Variants in GBE1 observed in about 807,000 individuals in gnomAD.
GBE1 encodes 1,4-alpha-glucan-branching enzyme.
A neutral mutation model predicts 88.8 loss-of-function variants in GBE1; 70 were observed. The observed-to-expected ratio is 0.79, with a 90% CI of 0.65 to 0.96. The LOEUF is 0.96. Ranked by LOEUF, GBE1 falls within the 40% of genes least tolerant of loss-of-function variation. The probability of loss-of-function intolerance (pLI) is 0.00; values close to 1 mark genes in which losing one functional copy is unlikely to be tolerated. For synonymous variants in GBE1, 284 were observed against 300.1 expected, an observed-to-expected ratio of 0.95 and a Z score of 0.56; for missense variants, 872 against 871.0, an observed-to-expected ratio of 1.00 and a Z score of -0.01.
At chr3:81,523,691 T>A (rs546183541) in intron 14 of GBE1, among the ~76,000 whole-genome samples, 1 of 151,612 alleles carries the variant, frequency 6.6e-6, no homozygotes, top group Non-Finnish European at 1.5e-5. Context: ...TACTCTCTTA[T>A]CTCCATGAGA....
intron 7 of GBE1, among the ~76,000 whole-genome samples, chr3:81,596,332 A>C (rs913949297): frequency 9.2e-5 from 14 of 151,946 alleles, no homozygotes; most frequent in Admixed American, 2.6e-4. Flanking sequence ...ACATGTGCAC[A>C]ACGTGCAAGT....
At chr3:81,638,379 A>G (rs1036255260) in intron 7 of GBE1, among the ~76,000 whole-genome samples, 3 of 152,156 alleles carry the variant, frequency 2.0e-5, no homozygotes, top group Non-Finnish European at 4.4e-5. Flanking sequence ...AGAAATATTT[A>G]ACGAACAAAA....
chr3:81,623,375 C>T (rs72904402), intron 7 of GBE1, among the ~76,000 whole-genome samples: 11 of 152,098 alleles, frequency 7.2e-5, no homozygotes, highest in Non-Finnish European at 2.9e-5. Flanking sequence ...CTTTTCAGAA[C>T]GCTTATCTTG....
chr3:81,571,038 G>A (rs1471975880), intron 12 of GBE1, among the ~76,000 whole-genome samples: 1 of 151,964 alleles, frequency 6.6e-6, no homozygotes, highest in Non-Finnish European at 1.5e-5. Context: ...TTCTTTAACA[G>A]GAAAAGCAAC....
At chr3:81,675,473 A>AAGACAAC (rs1705239658) in intron 2 of GBE1, among the ~76,000 whole-genome samples, 1 of 152,066 alleles carries the variant, frequency 6.6e-6, no homozygotes, top group Non-Finnish European at 1.5e-5. Context: ...AGAACATGAG[A>AAGACAAC]AGACAACATG....
At chr3:81,751,875 G>A (rs1387736230) in intron 1 of GBE1, among the ~76,000 whole-genome samples, 1 of 152,122 alleles carries the variant, frequency 6.6e-6, no homozygotes, top group Non-Finnish European at 1.5e-5. Flanking sequence ...CCTGTGGCTA[G>A]GTGTTATTAA....
intron 14 of GBE1, among the ~76,000 whole-genome samples, chr3:81,521,161 C>A (rs1702869551): frequency 6.6e-6 from 1 of 151,482 alleles, no homozygotes; most frequent in South Asian, 2.1e-4. Context: ...TATACAAGAT[C>A]TACAGGTTCA....
intron 15 of GBE1, among the ~76,000 whole-genome samples, chr3:81,492,332 G>A (rs1044629029): frequency 3.3e-5 from 5 of 152,058 alleles, no homozygotes; most frequent in Admixed American, 6.6e-5. Context: ...AAGATGTTAC[G>A]AGACTGATTC....
intron 1 of GBE1, among the ~76,000 whole-genome samples, chr3:81,759,926 G>A (rs945044125): frequency 2.6e-5 from 4 of 151,644 alleles, no homozygotes; most frequent in African/African-American, 9.7e-5. Context: ...CTTTTACAAA[G>A]CACACAGGTA....
intron 3 of GBE1, among the ~76,000 whole-genome samples, chr3:81,660,028 T>C (rs1705000807): frequency 6.7e-6 from 1 of 150,282 alleles, no homozygotes; most frequent in Non-Finnish European, 1.5e-5. Context: ...TAAAAAGAAC[T>C]GGAAATAGAT....
At chr3:81,599,594 T>C (rs1382203612) in intron 7 of GBE1, among the ~76,000 whole-genome samples, 3 of 152,152 alleles carry the variant, frequency 2.0e-5, no homozygotes, top group South Asian at 2.1e-4. Context: ...TATTTGTATA[T>C]CTAAACAGAA....
At chr3:81,510,445 CAG>C (rs1197940362) in intron 14 of GBE1, among the ~76,000 whole-genome samples, 10 of 152,038 alleles carry the variant, frequency 6.6e-5, no homozygotes, top group African/African-American at 1.4e-4. Flanking sequence ...AGCCGAAGAA[CAG>C]GGGCTAAACT....
intron 11 of GBE1, among the ~76,000 whole-genome samples, chr3:81,580,469 T>TG (rs34011398): frequency 1.3e-5 from 2 of 151,870 alleles, no homozygotes; most frequent in Non-Finnish European, 2.9e-5. Flanking sequence ...TGCAGATGCG[T>TG]GGGGAAAAGC....
chr3:81,534,985 T>C, intron 14 of GBE1: 1 of 495,036 alleles, frequency 2.0e-6, no homozygotes, highest in Non-Finnish European at 3.5e-6. Context: ...CCCCTCTGTT[T>C]AAACCCAAAA....
chr3:81,739,201 C>T (rs1706314790), intron 1 of GBE1, among the ~76,000 whole-genome samples: 1 of 152,078 alleles, frequency 6.6e-6, no homozygotes. Context: ...AGAGGGAATA[C>T]AAACATTCAG....
intron 7 of GBE1, among the ~76,000 whole-genome samples, chr3:81,607,765 C>G (rs1014311475): frequency 6.6e-6 from 1 of 152,068 alleles, no homozygotes; most frequent in Non-Finnish European, 1.5e-5. Context: ...AAATGTCATC[C>G]ATTATGCAAT....
At chr3:81,545,341 T>C (rs1703192800) in intron 12 of GBE1, among the ~76,000 whole-genome samples, 5 of 152,190 alleles carry the variant, frequency 3.3e-5, no homozygotes, top group Admixed American at 2.6e-4. Context: ...CAAGCTCCAG[T>C]GCACTGTACC....
intron 15 of GBE1, among the ~76,000 whole-genome samples, chr3:81,494,522 A>G (rs1453590058): frequency 6.6e-6 from 1 of 152,228 alleles, no homozygotes; most frequent in East Asian, 1.9e-4. Flanking sequence ...ATGTACCTGT[A>G]TATAGAAGCC....
intron 2 of GBE1, among the ~76,000 whole-genome samples, chr3:81,686,326 G>A (rs1037963022): frequency 6.6e-5 from 10 of 152,144 alleles, no homozygotes; most frequent in African/African-American, 2.4e-4. Context: ...AGGAAGAAAA[G>A]ATACCTATAT....
Sources: allele counts gnomAD v4.1 joint callset (sites outside exome capture counted in the v4.1 genomes callset), GRCh38; gene constraint gnomAD v4.1.1; transcripts MANE v1.5; gene names NCBI Gene and HGNC (gene_info 2026-07-23, HGNC 2026-07-21).